PRRC2C: variants seen among roughly 807,000 people sequenced by gnomAD.
PRRC2C encodes proline rich coiled-coil 2C, also known as protein PRRC2C.
Under a neutral mutation model 317.2 loss-of-function variants are expected in PRRC2C, and 72 were observed. The ratio of observed to expected loss-of-function variants is 0.23; its 90% CI spans 0.19 to 0.28. The LOEUF (loss-of-function observed/expected upper bound fraction) is 0.28. Among genes scored for constraint, PRRC2C ranks in the 10% least tolerant of loss-of-function variants. The pLI, the probability that PRRC2C is intolerant of heterozygous loss-of-function variation, is 1.00. For synonymous variants in PRRC2C, 1,296 were observed against 1,205.9 expected (o/e 1.07, Z -1.55); for missense variants, 3,074 against 3,459.7 (o/e 0.89, Z 2.80).
At chr1:171,542,371 T>C in intron 16 of PRRC2C, 142 bp downstream of exon 16, 1 of 834,166 alleles carries the variant, frequency 1.2e-6, no homozygotes, top group Non-Finnish European at 1.8e-6. Context: ...TTCTCTGTTC[T>C]CAAAGTGTAA....
chr1:171,566,130 A>G, intron 20 of PRRC2C, 103 bp from the exon 21 acceptor site: 1 of 879,978 alleles, frequency 1.1e-6, no homozygotes, highest in South Asian at 2.3e-5. Context: ...TAATATGTAG[A>G]TTGTCTTAAA....
At chr1:171,493,920 C>G (rs1427909650) in intron 1 of PRRC2C, among the ~76,000 whole-genome samples, 2 of 152,162 alleles carry the variant, frequency 1.3e-5, no homozygotes, top group Non-Finnish European at 1.5e-5. Context: ...ATTCTAAGAG[C>G]TTTATACACA....
At position 171,532,785 on chromosome 1, in the gene PRRC2C, A is replaced by G; in HGVS notation, c.1697A>G (p.Glu566Gly). ...EMEKERKQEK[E>G]KELERQKEKE... ...GAGAAAGAAAGAAAGCAAGAAAAAG[A>G]AAAAGAACTAGAACGGCAGAAAGAA... The change falls in exon 12 of 35, where the codon GAA becomes GGA. Residue 566 changes from glutamate to glycine, a missense_variant. Transcript: ENST00000647382. 1 of 1,543,978 alleles carries G rather than the reference A, an allele frequency of 6.5e-7. No individual in the cohort carries two copies. Among genetic ancestry groups the G allele is most frequent in the Non-Finnish European group, 8.7e-7 (1 of 1,149,274 alleles).
At position 171,550,189 on chromosome 1, in the gene PRRC2C, A is replaced by G. The variant is rs764279109; in HGVS notation, c.5076A>G (p.Gln1692=). ...CTGAAGTGGTATCCAAAAAACAACA[A>G]AAACGTTTACAGGATGAAGAACGCC... ...GFTEVVSKKQ[Q]KRLQDEERRK... is the part of the protein sequence containing the mutation. The change falls in exon 18 of 35, where the codon CAA becomes CAG. Residue 1692 remains glutamine, a synonymous_variant. Coordinates refer to ENST00000647382, the MANE Select transcript of PRRC2C (RefSeq NM_001387844.1). 51 of 1,607,344 alleles carry G rather than the reference A, an allele frequency of 3.2e-5. No homozygotes were observed. Among genetic ancestry groups the G allele is most frequent in the Non-Finnish European group, 8.5e-7 (1 of 1,176,626 alleles).
chr1:171,546,833 G>C (rs1679201944), intron 17 of PRRC2C, among the ~76,000 whole-genome samples: 1 of 151,764 alleles, frequency 6.6e-6, no homozygotes, highest in African/African-American at 2.4e-5. Flanking sequence ...GTCCAGGTCG[G>C]TCCGGAACTC....
At position 171,536,238 on chromosome 1, in the gene PRRC2C, G is replaced by A. The variant is rs1404116266; in HGVS notation, c.2253G>A (p.Met751Ile). 5.6e-6 allele frequency: 9 copies of A among 1,613,778 alleles called. No individual in the cohort carries two copies. The highest frequency in any genetic ancestry group is 7.6e-6 in the Non-Finnish European group (9 of 1,179,822). ...MMQSYMDPRM[M>I]SGRPAMDIPP... is the part of the protein sequence containing the mutation. The stretch of plus-strand genomic sequence containing the variant: ...AGTCCTACATGGATCCTCGAATGAT[G>A]TCAGGAAGACCTGCTATGGATATTC... The change falls in exon 14 of 35, where the codon ATG becomes ATA. Residue 751 changes from methionine (M) to isoleucine (I), a missense_variant. By Grantham distance (10) the Met-to-Ile change is conservative (BLOSUM62 1). Coordinates refer to ENST00000647382, the MANE Select transcript of PRRC2C (RefSeq NM_001387844.1).
chr1:171,511,204 A>AACAAAG lies in PRRC2C; in HGVS notation c.-57-823_-57-822insGACAAA, dbSNP rs1482838765. 3.3e-5 allele frequency: 5 copies of AACAAAG among 151,974 alleles called. No individual in the cohort carries two copies. The East Asian group carries it at 7.7e-4, about 24-fold the overall frequency. The allele number at this position is 151,974 out of a possible 1,614,324, so 9.4% of individuals were successfully genotyped here. A position where few individuals can be genotyped will look rare whatever the true frequency, so the allele number is the denominator to read the frequency against. On this transcript the variant is annotated intron_variant, in intron 1 of 34. Transcript: ENST00000647382. The stretch of plus-strand genomic sequence containing the variant: ...GCTACAATAACCCCTCAAAAACAAA[A>AACAAAG]ACAAAAACAACCGTTAGGTTGATAT...
intron 10 of PRRC2C, 132 bp from the exon 11 acceptor site, chr1:171,527,659 G>A: frequency 3.1e-6 from 2 of 655,348 alleles, no homozygotes; most frequent in Non-Finnish European, 5.2e-6. Context: ...AGCAGGCTGA[G>A]GCATGAGAAT....
At chr1:171,582,132 TG>T (rs1350825428) in intron 28 of PRRC2C, among the ~76,000 whole-genome samples, 1 of 152,106 alleles carries the variant, frequency 6.6e-6, no homozygotes, top group Non-Finnish European at 1.5e-5. Context: ...AAAATATATG[TG>T]GGGAAGTAAT....
At chr1:171,492,903 C>G (rs1667436914) in intron 1 of PRRC2C, among the ~76,000 whole-genome samples, 2 of 151,832 alleles carry the variant, frequency 1.3e-5, no homozygotes, top group African/African-American at 4.8e-5. Context: ...AGGTGTGTAC[C>G]AGCACACCTG....
chr1:171,552,441 G>A (rs1462221568), intron 18 of PRRC2C, among the ~76,000 whole-genome samples: 1 of 152,150 alleles, frequency 6.6e-6, no homozygotes, highest in African/African-American at 2.4e-5. Flanking sequence ...TTTCCTAATT[G>A]AATATCCTTT....
At chr1:171,562,726 T>G (rs1353028788) in intron 20 of PRRC2C, among the ~76,000 whole-genome samples, 2 of 152,200 alleles carry the variant, frequency 1.3e-5, no homozygotes, top group Non-Finnish European at 2.9e-5. Context: ...ATGCTTATTA[T>G]GCCTCTGAGT....
intron 18 of PRRC2C, among the ~76,000 whole-genome samples, chr1:171,552,057 T>C (rs1441819749): frequency 1.3e-5 from 2 of 152,222 alleles, no homozygotes; most frequent in Non-Finnish European, 2.9e-5. Context: ...TTGGGCAGTA[T>C]GGCCGTTTTT....
chr1:171,588,283 A>G, intron 32 of PRRC2C, 96 bp from the exon 33 acceptor site: 1 of 1,359,760 alleles, frequency 7.4e-7, no homozygotes, highest in Non-Finnish European at 1.0e-6. Flanking sequence ...ACCAACTACC[A>G]AGTATGATGA....
chr1:171,578,120 A>G (rs1164283259), intron 26 of PRRC2C, among the ~76,000 whole-genome samples: 1 of 151,892 alleles, frequency 6.6e-6, no homozygotes, highest in Non-Finnish European at 1.5e-5. Flanking sequence ...TCTTTTTAAA[A>G]GTGTCTTGGA....
intron 28 of PRRC2C, 146 bp downstream of exon 28, chr1:171,580,110 A>G (rs952392317): frequency 3.1e-6 from 2 of 637,208 alleles, no homozygotes; most frequent in Non-Finnish European, 4.6e-6. Context: ...CATGTTGATT[A>G]TATGTCATGA....
At chr1:171,496,904 C>T (rs997492486) in intron 1 of PRRC2C, among the ~76,000 whole-genome samples, 20 of 151,956 alleles carry the variant, frequency 1.3e-4, no homozygotes, top group African/African-American at 4.8e-4. Flanking sequence ...CAGGCTCAAG[C>T]GATCCTCCTG....
chr1:171,569,298 A>G (rs549089762), intron 23 of PRRC2C, among the ~76,000 whole-genome samples: 1 of 151,818 alleles, frequency 6.6e-6, no homozygotes, highest in Admixed American at 6.6e-5. Context: ...TTGAGTTATA[A>G]AAATCTTTAT....
At chr1:171,492,421 G>A (rs994739098) in intron 1 of PRRC2C, among the ~76,000 whole-genome samples, 18 of 152,214 alleles carry the variant, frequency 1.2e-4, no homozygotes, top group Non-Finnish European at 2.4e-4. Context: ...GTTGGGTGTT[G>A]TGGCATGTGC....
Sources: gnomAD v4.1 joint callset for allele counts (sites outside exome capture counted in the v4.1 genomes callset) on GRCh38, gnomAD v4.1.1 for gene constraint, MANE v1.5 for transcripts, NCBI Gene and HGNC (gene_info 2026-07-23, HGNC 2026-07-21) for gene names.